Variants in PCDH9 observed in about 807,000 individuals in gnomAD.
PCDH9 encodes the protein protocadherin-9.
A neutral mutation model predicts 70.6 loss-of-function variants in PCDH9; 24 were observed. The observed-to-expected ratio is 0.34, with a 90% CI of 0.25 to 0.48. The LOEUF (loss-of-function observed/expected upper bound fraction) is 0.48. PCDH9 is among the 20% of genes least tolerant of loss of function. The probability of loss-of-function intolerance (pLI) is 0.99; values close to 1 mark genes in which losing one functional copy is unlikely to be tolerated. For missense variants in PCDH9, 1,281 were observed against 1,503.6 expected, an observed-to-expected ratio of 0.85 and a Z score of 2.45; for synonymous variants, 562 against 558.5, an observed-to-expected ratio of 1.01 and a Z score of -0.09.
At chr13:66,687,897 GA>G (rs2078427487) in intron 3 of PCDH9, among the ~76,000 whole-genome samples, 1 of 152,084 alleles carries the variant, frequency 6.6e-6, no homozygotes, top group Non-Finnish European at 1.5e-5. Context: ...ATAGTTCTTA[GA>G]GGATGAAATT....
At chr13:66,320,424 G>A (rs1955733158) in intron 4 of PCDH9, among the ~76,000 whole-genome samples, 1 of 151,916 alleles carries the variant, frequency 6.6e-6, no homozygotes, top group Admixed American at 6.6e-5. Context: ...AAAGTGAACT[G>A]CACAGTGAAC....
Position 66,624,187 on chromosome 13 carries a change from A to G in PCDH9, c.3340+7023T>C, listed in dbSNP as rs145032376. Among the ~76,000 whole-genome samples the G allele has an allele frequency of 4.2e-3, 638 of 152,318 alleles. 20 individuals are homozygous for G. In the East Asian group the frequency reaches 0.081, roughly 19 times the overall value. On this transcript the variant is annotated intron_variant, in intron 4 of 4. Coordinates refer to ENST00000377865, the MANE Select transcript of PCDH9 (RefSeq NM_203487.3). Reference sequence around the variant, plus strand: ...CATAATTGTTTTTGTCTGCTTTTGAATTAGTGAAATTCTTTCATCATCCTA... The same window carrying G: ...CATAATTGTTTTTGTCTGCTTTTGAGTTAGTGAAATTCTTTCATCATCCTA...
intron 3 of PCDH9, among the ~76,000 whole-genome samples, chr13:66,652,256 G>A (rs1170468058): frequency 1.3e-5 from 2 of 151,960 alleles, no homozygotes; most frequent in South Asian, 2.1e-4. Context: ...ATCAAAAAAT[G>A]ATTAGAACTG....
chr13:66,360,994 G>C (rs1468211285), intron 4 of PCDH9, among the ~76,000 whole-genome samples: 1 of 152,076 alleles, frequency 6.6e-6, no homozygotes, highest in Non-Finnish European at 1.5e-5. Flanking sequence ...AGCAAATGAA[G>C]TGGGGTGACT....
chr13:66,854,750 A>C (rs760365320), intron 3 of PCDH9, among the ~76,000 whole-genome samples: 13 of 152,124 alleles, frequency 8.5e-5, no homozygotes, highest in Non-Finnish European at 1.3e-4. Flanking sequence ...TACAGAGGAA[A>C]TGTGTTAGAT....
At chr13:66,418,474 TG>T (rs1487021602) in intron 4 of PCDH9, among the ~76,000 whole-genome samples, 10 of 152,182 alleles carry the variant, frequency 6.6e-5, no homozygotes, top group Admixed American at 3.9e-4. Flanking sequence ...AGGATTGTCT[TG>T]GCTATATGGG....
At chr13:66,488,800 A>G (rs1169398621) in intron 4 of PCDH9, among the ~76,000 whole-genome samples, 1 of 152,206 alleles carries the variant, frequency 6.6e-6, no homozygotes, top group Non-Finnish European at 1.5e-5. Context: ...TGGCATAAAA[A>G]GTGCTAGTAA....
intron 4 of PCDH9, among the ~76,000 whole-genome samples, chr13:66,610,071 C>T (rs2077273797): frequency 6.6e-6 from 1 of 151,476 alleles, no homozygotes; most frequent in South Asian, 2.1e-4. Context: ...CATTCTCCTG[C>T]CTCAGCCTCC....
chr13:67,136,861 GAATAGT>G (rs1181835316), intron 2 of PCDH9, among the ~76,000 whole-genome samples: 1 of 151,982 alleles, frequency 6.6e-6, no homozygotes, highest in African/African-American at 2.4e-5. Flanking sequence ...TAGTTTATAA[GAATAGT>G]AATAGTAATA....
chr13:66,473,937 C>A (rs919422093), intron 4 of PCDH9, among the ~76,000 whole-genome samples: 1 of 152,064 alleles, frequency 6.6e-6, no homozygotes, highest in Non-Finnish European at 1.5e-5. Context: ...ATAAAAGATA[C>A]AAAACTCCTT....
rs535866995 is a variant in PCDH9, at chr13:66,902,190, AAAAG to A, written c.3138+1310_3138+1313del. On this transcript the variant is annotated intron_variant, in intron 3 of 4. Transcript: ENST00000377865. ...TCAAGAGATTTAGGCTTTGGATAAA[AAAAG>A]AAAGAAAAATATAAAAAAGTATATA... Among the ~76,000 whole-genome samples the A allele has an allele frequency of 2.1e-4, 32 of 151,766 alleles. No homozygotes were observed. In the South Asian group the frequency reaches 6.4e-3, roughly 30 times the overall value.
At chr13:66,523,220 T>C (rs899900444) in intron 4 of PCDH9, among the ~76,000 whole-genome samples, 7 of 152,028 alleles carry the variant, frequency 4.6e-5, no homozygotes, top group African/African-American at 1.7e-4. Flanking sequence ...TCACCCTTCA[T>C]TACTATCACT....
intron 4 of PCDH9, among the ~76,000 whole-genome samples, chr13:66,476,713 G>A (rs948791889): frequency 1.3e-5 from 2 of 151,822 alleles, no homozygotes; most frequent in South Asian, 4.1e-4. Flanking sequence ...ATTCACCTAA[G>A]AAGGCAAATA....
intron 3 of PCDH9, among the ~76,000 whole-genome samples, chr13:66,868,724 A>G (rs1335079743): frequency 2.0e-5 from 3 of 152,174 alleles, no homozygotes; most frequent in Non-Finnish European, 4.4e-5. Flanking sequence ...ATGACATGAA[A>G]TTATGGCAAG....
Position 67,227,356 on chromosome 13 carries a change from T to C in PCDH9, c.1085A>G (p.Tyr362Cys). The C allele has an allele frequency of 6.2e-7, 1 of 1,614,026 alleles. No individual in the cohort carries two copies. Among genetic ancestry groups the C allele is most frequent in the Non-Finnish European group, 8.5e-7 (1 of 1,179,878 alleles). ...NDNPPNIDLR[Y>C]IISPINGTVY... ...GGTGCCATTGATGGGACTTATAATG[T>C]ACCTGAGGTCTATATTAGGAGGGTT... Residue 362 changes from tyrosine (Y) to cysteine (C), a missense_variant, in exon 2 of 5, where the codon TAC becomes TGC. Physicochemically the swap from Tyr to Cys is radical, Grantham distance 194. Transcript: ENST00000377865. The surrounding 1 kb of genome is among the most constrained non-coding windows in gnomAD (Gnocchi z 4.6).
At position 67,155,373 on chromosome 13, in the gene PCDH9, A is replaced by G. The variant is rs535515071; in HGVS notation, c.3036+70032T>C. Among the ~76,000 whole-genome samples, 4 of 152,340 alleles carry G rather than the reference A, an allele frequency of 2.6e-5. No homozygotes were observed. The South Asian group carries it at 8.3e-4, about 32-fold the overall frequency. On this transcript the variant is annotated intron_variant, in intron 2 of 4. Coordinates refer to ENST00000377865, the MANE Select transcript of PCDH9 (RefSeq NM_203487.3). ...TGTTTTAAGATTTGGTGGTCAGTTG[A>G]TATTACTGTATCAGAGGTTAGAATG...
intron 4 of PCDH9, among the ~76,000 whole-genome samples, chr13:66,546,310 G>A (rs1400746522): frequency 6.6e-6 from 1 of 152,138 alleles, no homozygotes; most frequent in African/African-American, 2.4e-5. Flanking sequence ...GGGACAAGAT[G>A]TGGAGGTGGA....
intron 2 of PCDH9, among the ~76,000 whole-genome samples, chr13:66,924,860 T>G (rs1194249082): frequency 1.3e-5 from 2 of 151,782 alleles, no homozygotes; most frequent in Non-Finnish European, 2.9e-5. Flanking sequence ...GGATTTGGAT[T>G]AGTAGAAGGC....
chr13:67,053,309 CAGAATGGAAG>C (rs2138103016), intron 2 of PCDH9, among the ~76,000 whole-genome samples: 1 of 152,186 alleles, frequency 6.6e-6, no homozygotes, highest in East Asian at 1.9e-4. Context: ...CCAGGAACTG[CAGAATGGAAG>C]AGAGAAGCAT....
Sources: gnomAD v4.1 joint callset for allele counts (sites outside exome capture counted in the v4.1 genomes callset) on GRCh38, gnomAD v4.1.1 for gene constraint, Gnocchi (gnomAD v3.1) non-coding constraint, MANE v1.5 for transcripts, NCBI Gene and HGNC (gene_info 2026-07-23, HGNC 2026-07-21) for gene names.